The following C20orf203 variants were observed in gnomAD, a reference collection of about 807,000 sequenced individuals.
C20orf203 encodes chromosome 20 open reading frame 203, also known as uncharacterized protein C20orf203.
C20orf203 carries 16 observed loss-of-function variants against 15.9 expected under a neutral mutation model. The observed-to-expected ratio is 1.01, with a 90% CI of 0.68 to 1.53. The LOEUF (loss-of-function observed/expected upper bound fraction) is 1.53. Among genes scored for constraint, C20orf203 ranks in the 40% most tolerant of loss-of-function variants. The pLI, the probability that C20orf203 is intolerant of heterozygous loss-of-function variation, is 0.00. For missense variants in C20orf203, 263 were observed against 247.5 expected (o/e 1.06, Z -0.42); for synonymous variants, 98 against 97.2 (o/e 1.01, Z -0.05).
chr20:32,655,830 G>T (rs1457181083), intron 1 of C20orf203, among the ~76,000 whole-genome samples: 8 of 152,174 alleles, frequency 5.3e-5, no homozygotes, highest in Non-Finnish European at 8.8e-5. Context: ...GGCAGATATG[G>T]TTGGGATGTT....
At chr20:32,635,309 C>T (rs1982107940) in intron 5 of C20orf203, among the ~76,000 whole-genome samples, 2 of 151,010 alleles carry the variant, frequency 1.3e-5, no homozygotes, top group Admixed American at 1.3e-4. Context: ...AGCAGCCCGA[C>T]TAACATGGTG....
At chr20:32,672,068 G>A (rs1983183319) in intron 1 of C20orf203, among the ~76,000 whole-genome samples, 1 of 152,106 alleles carries the variant, frequency 6.6e-6, no homozygotes, top group Non-Finnish European at 1.5e-5. Context: ...TGTAATCCCA[G>A]CACTCCGGGA....
intron 1 of C20orf203, among the ~76,000 whole-genome samples, 195 bp downstream of exon 1, chr20:32,673,437 G>T (rs1297914267): frequency 6.6e-6 from 1 of 152,180 alleles, no homozygotes; most frequent in African/African-American, 2.4e-5. Context: ...CCCACATTCG[G>T]GGAGCCTCAC....
At chr20:32,637,927 T>A (rs1228999757) in intron 5 of C20orf203, among the ~76,000 whole-genome samples, 1 of 152,024 alleles carries the variant, frequency 6.6e-6, no homozygotes, top group Non-Finnish European at 1.5e-5. Flanking sequence ...TGTGTTTGTG[T>A]GTGTGCAGGT....
chr20:32,647,615 G>A (rs544432282), intron 4 of C20orf203, among the ~76,000 whole-genome samples: 1 of 152,196 alleles, frequency 6.6e-6, no homozygotes, highest in Non-Finnish European at 1.5e-5. Context: ...TGAGGTGAGA[G>A]GATTGCTTGA....
chr20:32,634,745 A>T (rs1265895180), intron 5 of C20orf203, among the ~76,000 whole-genome samples: 2 of 152,164 alleles, frequency 1.3e-5, no homozygotes, highest in Non-Finnish European at 2.9e-5. Flanking sequence ...CATCTGATGT[A>T]ACTGTAGGTA....
chr20:32,649,069 T>C (rs1342671831), intron 4 of C20orf203, among the ~76,000 whole-genome samples, 186 bp downstream of exon 4: 1 of 152,188 alleles, frequency 6.6e-6, no homozygotes, highest in Non-Finnish European at 1.5e-5. Flanking sequence ...CAAGGAGTGC[T>C]GATTGGATAA....
In C20orf203 at chr20:32,633,310, C is replaced by A. The variant is rs968056371; in HGVS notation, c.*2260G>T. On this transcript the variant is annotated 3_prime_UTR_variant, in exon 6 of 6. Coordinates refer to ENST00000608990, the MANE Select transcript of C20orf203 (RefSeq NM_182584.4). Reference sequence around the variant, plus strand: ...AGATCTTGTGGTTGATCCGTGGAGGCCTGGGATGGCCACTGAAGTCCACCT... The same window carrying A: ...AGATCTTGTGGTTGATCCGTGGAGGACTGGGATGGCCACTGAAGTCCACCT... The A allele has an allele frequency of 6.6e-6, 1 of 152,066 alleles. No homozygotes were observed. Among genetic ancestry groups the A allele is most frequent in the Non-Finnish European group, 1.5e-5 (1 of 68,028 alleles). The allele number at this position is 152,066 out of a possible 1,614,324, so 9.4% of individuals were successfully genotyped here. A position where few individuals can be genotyped will look rare whatever the true frequency, so the allele number is the denominator to read the frequency against.
chr20:32,645,434 C>G (rs1490172129), intron 4 of C20orf203, among the ~76,000 whole-genome samples: 1 of 152,172 alleles, frequency 6.6e-6, no homozygotes, highest in Non-Finnish European at 1.5e-5. Context: ...CTGCAAAACC[C>G]CTATTCCTCT....
chr20:32,653,163 G>A (rs1185917503), intron 1 of C20orf203, among the ~76,000 whole-genome samples: 1 of 152,074 alleles, frequency 6.6e-6, no homozygotes, highest in Non-Finnish European at 1.5e-5. Context: ...GGTGGGTGGG[G>A]CAGAGATGGT....
At chr20:32,642,027 G>C (rs2145663627) in intron 4 of C20orf203, among the ~76,000 whole-genome samples, 1 of 152,180 alleles carries the variant, frequency 6.6e-6, no homozygotes, top group South Asian at 2.1e-4. Context: ...TTTTTGTAGA[G>C]ACGGGTTCTC....
At chr20:32,661,510 C>T (rs573124114) in intron 1 of C20orf203, among the ~76,000 whole-genome samples, 1 of 152,298 alleles carries the variant, frequency 6.6e-6, no homozygotes, top group East Asian at 1.9e-4. Flanking sequence ...TGCATGACCC[C>T]TGAACCCTGA....
At chr20:32,639,776 GC>G (rs1014230356) in intron 5 of C20orf203, among the ~76,000 whole-genome samples, 17 of 152,084 alleles carry the variant, frequency 1.1e-4, no homozygotes, top group Middle Eastern at 3.4e-3. Flanking sequence ...CTTGGCCACT[GC>G]CCCCCTACTT....
At chr20:32,634,399 G>C (rs1375742239) in intron 5 of C20orf203, 129 bp from the exon 6 acceptor site, 1 of 394,438 alleles carries the variant, frequency 2.5e-6, no homozygotes, top group Admixed American at 4.4e-5. Flanking sequence ...CCTTACAGCT[G>C]GGTCCAAGCT....
rs1982576966 is a variant in C20orf203, at chr20:32,650,460, G to C, written c.557C>G (p.Ser186Cys). ...APLISKQQFL[S>C]NSSRSLFN ...ATTAAACAGCGACCGTGATGAATTG[G>C]AGAGAAACTGCTGCTTGCTAATTAA... The change falls in exon 4 of 6, where the codon TCC (serine) becomes TGC (cysteine). Residue 186 changes from serine to cysteine, a missense_variant. Transcript: ENST00000608990. The C allele has an allele frequency of 2.6e-6, 4 of 1,550,366 alleles. No individual in the cohort carries two copies. Among genetic ancestry groups the C allele is most frequent in the Middle Eastern group, 1.7e-4 (1 of 6,012 alleles).
At chr20:32,670,032 C>G (rs1023319143) in intron 1 of C20orf203, among the ~76,000 whole-genome samples, 11 of 151,900 alleles carry the variant, frequency 7.2e-5, no homozygotes, top group Non-Finnish European at 1.6e-4. Flanking sequence ...GAAACCTCGT[C>G]TCTACTAAAA....
Position 32,637,507 on chromosome 20 carries a change from C to T in C20orf203, c.*1299+3059G>A, listed in dbSNP as rs1359587979. Among the ~76,000 whole-genome samples, 3 of 152,328 alleles carry T rather than the reference C, an allele frequency of 2.0e-5. No individual in the cohort carries two copies. The East Asian group carries it at 5.8e-4, about 29-fold the overall frequency. On this transcript the variant is annotated intron_variant, in intron 5 of 5. Transcript: ENST00000608990. The stretch of plus-strand genomic sequence containing the variant: ...TTCAAATCTGCTCAGATGTCACCTC[C>T]TCCATGAGGCCTTCCCTGACTGCCA...
At chr20:32,635,887 T>C (rs927843579) in intron 5 of C20orf203, among the ~76,000 whole-genome samples, 1 of 152,194 alleles carries the variant, frequency 6.6e-6, no homozygotes, top group Non-Finnish European at 1.5e-5. Context: ...TCCTGAGCCA[T>C]GCCTCCCAGC....
chr20:32,665,967 T>A (rs7347674), intron 1 of C20orf203, among the ~76,000 whole-genome samples: 197 of 150,806 alleles, frequency 1.3e-3, no homozygotes, highest in African/African-American at 4.6e-3. Flanking sequence ...CCACTTTTTT[T>A]AAAAGATGAA....
Sources: allele counts gnomAD v4.1 joint callset (sites outside exome capture counted in the v4.1 genomes callset), GRCh38; gene constraint gnomAD v4.1.1; transcripts MANE v1.5; gene names NCBI Gene and HGNC (gene_info 2026-07-23, HGNC 2026-07-21).